The following FLACC1 variants were observed in gnomAD, a reference collection of about 807,000 sequenced individuals.
FLACC1 encodes the protein flagellum-associated coiled-coil domain-containing protein 1.
In FLACC1, 66 loss-of-function variants were observed where a neutral mutation model predicts 62.8. That is an observed-to-expected ratio of 1.05 (90% CI 0.86 to 1.29). FLACC1 has a LOEUF of 1.29. FLACC1 is among the 50% of genes most tolerant of loss of function. The pLI is 0.00. For synonymous variants in FLACC1, 156 were observed against 161.0 expected, an observed-to-expected ratio of 0.97 and a Z score of 0.24; for missense variants, 452 against 489.1, an observed-to-expected ratio of 0.92 and a Z score of 0.71.
At chr2:201,331,004 C>T (rs1229004299) in intron 7 of FLACC1, among the ~76,000 whole-genome samples, 171 bp from the exon 8 acceptor site, 1 of 148,030 alleles carries the variant, frequency 6.8e-6, no homozygotes, top group Non-Finnish European at 1.5e-5. Flanking sequence ...GAGTCTCCCT[C>T]TGTTGCCCAG....
At chr2:201,327,699 T>G (rs28845859) in intron 9 of FLACC1, among the ~76,000 whole-genome samples, 30,773 of 152,088 alleles carry the variant, frequency 0.2, 3,363 homozygotes, top group South Asian at 0.3. Flanking sequence ...GGAGTGCTTA[T>G]ATACTGCTGG....
In FLACC1 at chr2:201,289,448, C is replaced by G. The variant is rs1482971381; in HGVS notation, c.1142+9G>C. 3 of 1,612,266 alleles carry G rather than the reference C, an allele frequency of 1.9e-6. No individual in the cohort carries two copies. The highest frequency in any genetic ancestry group is 1.7e-5 in the Admixed American group (1 of 59,986). ...AACTCAGCTATGTCTTTTTCAGCAG[C>G]AGCCGCACTTCAGATGAATGTTCTC... On this transcript the variant is annotated intron_variant, in intron 14 of 14. Transcript: ENST00000392257.
chr2:201,300,798 T>TCA (rs1949965102), intron 11 of FLACC1, among the ~76,000 whole-genome samples: 5 of 152,188 alleles, frequency 3.3e-5, no homozygotes. Context: ...CTCCTGGTGA[T>TCA]ACCCAGGCAA....
At chr2:201,340,997 T>C (rs1950797069) in intron 7 of FLACC1, among the ~76,000 whole-genome samples, 5 of 152,190 alleles carry the variant, frequency 3.3e-5, no homozygotes, top group Admixed American at 3.3e-4. Flanking sequence ...GTATGTGACG[T>C]GTTTCTTACC....
intron 11 of FLACC1, among the ~76,000 whole-genome samples, chr2:201,306,980 T>C (rs1404427347): frequency 6.6e-6 from 1 of 152,112 alleles, no homozygotes; most frequent in Non-Finnish European, 1.5e-5. Flanking sequence ...CATAATGAAG[T>C]ACCACTTCAT....
Position 201,337,216 on chromosome 2 carries a change from C to T in FLACC1, c.524+5154G>A, listed in dbSNP as rs149530687. Among the ~76,000 whole-genome samples the T allele has an allele frequency of 2.2e-4, 33 of 152,190 alleles. No homozygotes were observed. The East Asian group carries it at 3.1e-3, about 14-fold the overall frequency. On this transcript the variant is annotated intron_variant, in intron 7 of 14. Coordinates refer to ENST00000392257, the MANE Select transcript of FLACC1 (RefSeq NM_001127391.3). ...TTGGTCATAAAATCTTTGCCTAGAC[C>T]GATGTCCTGAAGACTTTTCCCTAGG... is the stretch of plus-strand genomic sequence containing the variant.
chr2:201,333,528 A>G (rs1213865566), intron 7 of FLACC1, among the ~76,000 whole-genome samples: 6 of 150,482 alleles, frequency 4.0e-5, no homozygotes, highest in Admixed American at 2.0e-4. Flanking sequence ...AGCATTAGGT[A>G]TATCTCCAAA....
In FLACC1 at chr2:201,288,549, A is replaced by T; in HGVS notation, c.*106T>A. 7.1e-7 allele frequency: 1 copy of T among 1,402,256 alleles called. No individual in the cohort carries two copies. The highest frequency in any genetic ancestry group is 9.7e-7 in the Non-Finnish European group (1 of 1,034,018). 86.9% of individuals were successfully genotyped at this position (1,402,256 alleles called of 1,614,324 possible). ...TTCAGAGAGTCAGAGCAACCCAAGA[A>T]CTAAACTCATTATATGCATTTTCTC... On this transcript the variant is annotated 3_prime_UTR_variant, in exon 15 of 15. Transcript: ENST00000392257.
chr2:201,342,590 C>T (rs1191906062), intron 6 of FLACC1, among the ~76,000 whole-genome samples, 159 bp from the exon 7 acceptor site: 2 of 152,242 alleles, frequency 1.3e-5, no homozygotes, highest in Non-Finnish European at 2.9e-5. Context: ...TCTGCAGTGC[C>T]AGAGAGCACA....
chr2:201,363,418 C>T, the FLACC1 span, among the ~76,000 whole-genome samples: 2 of 151,932 alleles, frequency 1.3e-5, no homozygotes, highest in Non-Finnish European at 2.9e-5. Context: ...AAGCCCTCTC[C>T]ATTTTGCACC....
chr2:201,315,035 A>G (rs1407072607), intron 9 of FLACC1, among the ~76,000 whole-genome samples: 1 of 152,220 alleles, frequency 6.6e-6, no homozygotes, highest in African/African-American at 2.4e-5. Flanking sequence ...TGCTAAAAGG[A>G]GCTCTAAATC....
intron 9 of FLACC1, among the ~76,000 whole-genome samples, chr2:201,330,050 A>G (rs968874943): frequency 7.2e-5 from 11 of 152,240 alleles, no homozygotes; most frequent in African/African-American, 2.7e-4. Context: ...ATATCAAGTC[A>G]TTATAAAGGA....
intron 12 of FLACC1, among the ~76,000 whole-genome samples, chr2:201,297,563 CCTGATA>C (rs1949891021): frequency 6.6e-6 from 1 of 152,156 alleles, no homozygotes; most frequent in South Asian, 2.1e-4. Flanking sequence ...ATCAATCGCA[CCTGATA>C]CTGCTCATGT....
chr2:201,311,320 A>G (rs1950213248), intron 9 of FLACC1, among the ~76,000 whole-genome samples: 1 of 152,142 alleles, frequency 6.6e-6, no homozygotes, highest in Non-Finnish European at 1.5e-5. Flanking sequence ...CCTTATACCA[A>G]AACCTGGCAA....
intron 9 of FLACC1, among the ~76,000 whole-genome samples, chr2:201,311,158 T>TA (rs373798913): frequency 0.11 from 14,516 of 132,054 alleles, 789 homozygotes; most frequent in Non-Finnish European, 0.14. Flanking sequence ...AATCTAACAC[T>TA]AAAAAAAAAA....
At chr2:201,301,839 T>C (rs1949991565) in intron 11 of FLACC1, among the ~76,000 whole-genome samples, 2 of 152,132 alleles carry the variant, frequency 1.3e-5, no homozygotes, top group Non-Finnish European at 2.9e-5. Context: ...TAAACTAAGC[T>C]TCATAAGTGA....
intron 9 of FLACC1, among the ~76,000 whole-genome samples, chr2:201,316,493 C>T (rs1284974900): frequency 3.9e-5 from 6 of 152,076 alleles, no homozygotes. Flanking sequence ...ATACAACCCT[C>T]CTAGCTTAAA....
chr2:201,301,739 G>A (rs968940628), intron 11 of FLACC1, among the ~76,000 whole-genome samples: 5 of 152,244 alleles, frequency 3.3e-5, no homozygotes, highest in African/African-American at 1.2e-4. Flanking sequence ...TCTCTCGGCA[G>A]AAACTCTATC....
At chr2:201,294,702 T>C (rs1576410449) in intron 12 of FLACC1, among the ~76,000 whole-genome samples, 1 of 152,054 alleles carries the variant, frequency 6.6e-6, no homozygotes, top group Non-Finnish European at 1.5e-5. Context: ...AAATAAAGGG[T>C]ATTCAATTAG....
Sources: allele counts gnomAD v4.1 joint callset (sites outside exome capture counted in the v4.1 genomes callset), GRCh38; gene constraint gnomAD v4.1.1; transcripts MANE v1.5; gene names NCBI Gene and HGNC (gene_info 2026-07-23, HGNC 2026-07-21).